Variants in EPM2A observed in about 807,000 individuals in gnomAD.
EPM2A encodes laforin.
EPM2A carries 21 observed loss-of-function variants against 26.5 expected under a neutral mutation model. The observed-to-expected ratio is 0.79, with a 90% CI of 0.56 to 1.14. The LOEUF is 1.14. Among genes scored for constraint, EPM2A ranks in the 50% most tolerant of loss-of-function variants. EPM2A has a pLI of 0.00. For missense variants in EPM2A, 458 were observed against 440.8 expected (o/e 1.04, Z -0.35); for synonymous variants, 217 against 177.6 (o/e 1.22, Z -1.76).
At chr6:145,696,775 ATGTGTGTGTGTGTGTGTGTG>A (rs35621582) in intron 1 of EPM2A, among the ~76,000 whole-genome samples, 30 of 135,310 alleles carry the variant, frequency 2.2e-4, no homozygotes, top group African/African-American at 5.7e-4. Flanking sequence ...AGGTAGGGGT[ATGTGTGTGTGTGTGTGTGTG>A]TGTGTGTGTG....
intron 4 of EPM2A, among the ~76,000 whole-genome samples, chr6:145,440,722 C>A (rs1326293044): frequency 1.3e-5 from 2 of 152,238 alleles, no homozygotes; most frequent in African/African-American, 4.8e-5. Flanking sequence ...TCCAGTGGGG[C>A]AGTCAAATCT....
chr6:145,500,618 G>T (rs1477903463), downstream of EPM2A, among the ~76,000 whole-genome samples: 1 of 152,086 alleles, frequency 6.6e-6, no homozygotes, highest in Non-Finnish European at 1.5e-5. Context: ...CACCAAATTT[G>T]CTCATATGAA....
At position 145,626,638 on chromosome 6, in the gene EPM2A, T is replaced by C. The variant is rs1005882091; in HGVS notation, c.*778A>G. The C allele has an allele frequency of 1.0e-6, 1 of 980,390 alleles. No homozygotes were observed. Among genetic ancestry groups the C allele is most frequent in the African/African-American group, 1.7e-5 (1 of 57,230 alleles). 60.7% of individuals were successfully genotyped at this position (980,390 alleles called of 1,614,324 possible). A position where few individuals can be genotyped will look rare whatever the true frequency, so the allele number is the denominator to read the frequency against. ...CAGTGCTGAGTCAAATAAATATAGA[T>C]TATTAACTCCAGCTTGCCCTTGACT... On this transcript the variant is annotated 3_prime_UTR_variant, in exon 4 of 4. Transcript: ENST00000367519.
intron 2 of EPM2A, among the ~76,000 whole-genome samples, chr6:145,561,283 G>T (rs1296179876): frequency 6.6e-6 from 1 of 151,784 alleles, no homozygotes. Context: ...TAGAGCCTAG[G>T]TATGTAGTGG....
chr6:145,630,640 C>A (rs1216222559), intron 3 of EPM2A: 2 of 152,196 alleles, frequency 1.3e-5, no homozygotes, highest in Non-Finnish European at 2.9e-5. Context: ...AGAGAAGTAG[C>A]TGGTCCAGGG....
downstream of EPM2A, among the ~76,000 whole-genome samples, chr6:145,623,918 G>C (rs1775689466): frequency 6.6e-6 from 1 of 152,176 alleles, no homozygotes; most frequent in African/African-American, 2.4e-5. Flanking sequence ...ATGACACTGA[G>C]GTTTGGGTCC....
At chr6:145,524,449 AC>A (rs1173338448) in intron 2 of EPM2A, among the ~76,000 whole-genome samples, 7 of 151,662 alleles carry the variant, frequency 4.6e-5, no homozygotes, top group African/African-American at 1.7e-4. Context: ...AACATTTTTC[AC>A]CTTTTTATGA....
chr6:145,560,705 T>C lies in EPM2A; in HGVS notation c.341-58130A>G, dbSNP rs368822051. Among the ~76,000 whole-genome samples, 42 of 152,224 alleles carry C rather than the reference T, an allele frequency of 2.8e-4. No individual in the cohort carries two copies. In the Middle Eastern group the frequency reaches 0.02, roughly 74 times the overall value. On this transcript the variant is annotated intron_variant, in intron 2 of 3. Transcript: ENST00000450221. ...CAAGTAACTTTAGTAATTTAGTAAT[T>C]TGAGTACTATGAGTATATGAGGTGC... is the stretch of plus-strand genomic sequence containing the variant.
chr6:145,425,008 G>A (rs1036190896), intron 4 of EPM2A, among the ~76,000 whole-genome samples: 5 of 151,886 alleles, frequency 3.3e-5, no homozygotes, highest in Non-Finnish European at 7.4e-5. Context: ...TCTACGTACT[G>A]TATATAAAAG....
intron 2 of EPM2A, among the ~76,000 whole-genome samples, chr6:145,593,966 C>G (rs888150828): frequency 6.6e-6 from 1 of 151,322 alleles, no homozygotes; most frequent in South Asian, 2.1e-4. Flanking sequence ...AAAAAAACAA[C>G]AAAAGCTGAT....
chr6:145,516,564 CTA>C (rs747725722), intron 2 of EPM2A, among the ~76,000 whole-genome samples: 8 of 152,124 alleles, frequency 5.3e-5, no homozygotes, highest in Non-Finnish European at 1.2e-4. Flanking sequence ...AGCCGTGAGA[CTA>C]TGAGATAGTT....
chr6:145,542,308 AGAAAGTTATGGCAT>A (rs1223412556), intron 2 of EPM2A, among the ~76,000 whole-genome samples: 2 of 152,198 alleles, frequency 1.3e-5, no homozygotes, highest in African/African-American at 4.8e-5. Flanking sequence ...CTCTTCAAAA[AGAAAGTTATGGCAT>A]GCTGACACAG....
intron 4 of EPM2A, among the ~76,000 whole-genome samples, chr6:145,496,090 G>C (rs549366877): frequency 6.6e-6 from 1 of 152,258 alleles, no homozygotes; most frequent in South Asian, 2.1e-4. Flanking sequence ...GAAATTCTCA[G>C]TTGGTACTTC....
intron 4 of EPM2A, among the ~76,000 whole-genome samples, chr6:145,443,164 C>A (rs1371889042): frequency 6.6e-6 from 1 of 152,178 alleles, no homozygotes; most frequent in African/African-American, 2.4e-5. Context: ...AGCCACCACA[C>A]CCGGCCCCAG....
chr6:145,735,198 C>A lies in EPM2A; in HGVS notation c.301G>T (p.Gly101Cys). Residue 101 changes from glycine (G) to cysteine (C), a missense_variant and splice_region_variant, in exon 1 of 4, where the codon GGC becomes TGC. Gly to Cys is a radical substitution (Grantham distance 159). Coordinates refer to ENST00000367519, the MANE Select transcript of EPM2A (RefSeq NM_005670.4). The part of the protein sequence containing the change: ...REPGGELSWE[G>C]NGPHHDRCCT... ...GGGGGCAGGCGTCTGCTGGCAATAC[C>A]TTCCCAGGAGAGCTCTCCTCCCGGC... 1 of 1,510,850 alleles carries A rather than the reference C, an allele frequency of 6.6e-7. No individual in the cohort carries two copies. The highest frequency in any genetic ancestry group is 8.9e-7 in the Non-Finnish European group (1 of 1,125,710). 93.6% of individuals were successfully genotyped at this position (1,510,850 alleles called of 1,614,324 possible).
At chr6:145,656,407 C>A (rs1268496186) in intron 2 of EPM2A, among the ~76,000 whole-genome samples, 3 of 152,312 alleles carry the variant, frequency 2.0e-5, no homozygotes, top group African/African-American at 7.2e-5. Flanking sequence ...CCAACTCCTG[C>A]AAACCTCACC....
chr6:145,594,074 T>C (rs191156825), intron 2 of EPM2A, among the ~76,000 whole-genome samples: 382 of 151,944 alleles, frequency 2.5e-3, no homozygotes, highest in Non-Finnish European at 4.6e-3. Context: ...GTTTTTTAAA[T>C]ATGTTGTTAT....
At chr6:145,683,617 G>A (rs1317886044) in intron 2 of EPM2A, among the ~76,000 whole-genome samples, 1 of 152,104 alleles carries the variant, frequency 6.6e-6, no homozygotes, top group African/African-American at 2.4e-5. Context: ...TGTAAGTGAA[G>A]CTGAAGAAAT....
intron 2 of EPM2A, chr6:145,682,607 T>C (rs933804799): frequency 2.0e-5 from 3 of 152,210 alleles, no homozygotes; most frequent in Non-Finnish European, 4.4e-5. Context: ...ATAAGTTCCA[T>C]GAGAGCAAGG....
Sources: gnomAD v4.1 joint callset for allele counts (sites outside exome capture counted in the v4.1 genomes callset) on GRCh38, gnomAD v4.1.1 for gene constraint, MANE v1.5 for transcripts, NCBI Gene and HGNC (gene_info 2026-07-23, HGNC 2026-07-21) for gene names.